PDS5A: variants seen among roughly 807,000 people sequenced by gnomAD.
PDS5A encodes the protein sister chromatid cohesion protein PDS5 homolog A.
Under a neutral mutation model 167.1 loss-of-function variants are expected in PDS5A, and 42 were observed. The ratio of observed to expected loss-of-function variants is 0.25; its 90% confidence interval spans 0.20 to 0.33. The LOEUF (loss-of-function observed/expected upper bound fraction) is 0.33, where lower values mean the gene tolerates loss of function less well. Ranked by LOEUF, PDS5A falls within the 10% of genes least tolerant of loss-of-function variation. PDS5A has a pLI of 1.00. For missense variants in PDS5A, 1,033 were observed against 1,605.9 expected, an observed-to-expected ratio of 0.64 and a Z score of 6.10; for synonymous variants, 553 against 554.6, an observed-to-expected ratio of 1.00 and a Z score of 0.04.
At chr4:39,867,224 C>A (rs933705500) in intron 22 of PDS5A, among the ~76,000 whole-genome samples, 2 of 151,380 alleles carry the variant, frequency 1.3e-5, no homozygotes, top group Admixed American at 6.6e-5. Context: ...TTTAATCTCC[C>A]AAAAAATTCT....
At position 39,863,442 on chromosome 4, in the gene PDS5A, C is replaced by T. The variant is rs755970646; in HGVS notation, c.2660G>A (p.Arg887His). 4.4e-6 allele frequency: 7 copies of T among 1,601,126 alleles called. No individual in the cohort carries two copies. The African/African-American group carries it at 5.4e-5, about 12-fold the overall frequency. ...GGCACTACCAGCAGCTAATCGCAAGCGAGACATATCAGATTTACTATAAAC... is the reference window on the plus strand; with the variant it reads ...GGCACTACCAGCAGCTAATCGCAAGTGAGACATATCAGATTTACTATAAAC... ...QKRISKSDMS[R>H]LRLAAGSAIM... Residue 887 changes from arginine (R) to histidine (H), a missense_variant, in exon 24 of 33, where the codon CGC (arginine) becomes CAC (histidine). Physicochemically the swap from Arg to His is conservative, Grantham distance 29. Around this residue, in one of 4 missense-constraint regions of PDS5A, gnomAD observed 367 missense variants for 686.7 expected, o/e 0.53. Transcript: ENST00000303538.
intron 9 of PDS5A, among the ~76,000 whole-genome samples, chr4:39,912,400 C>G (rs1723972302): frequency 6.6e-6 from 1 of 152,156 alleles, no homozygotes; most frequent in Non-Finnish European, 1.5e-5. Context: ...AATTCCTCCC[C>G]CATAACTTTG....
intron 8 of PDS5A, among the ~76,000 whole-genome samples, 183 bp from the exon 9 acceptor site, chr4:39,913,909 T>A (rs1724115452): frequency 6.6e-6 from 1 of 152,176 alleles, no homozygotes; most frequent in Non-Finnish European, 1.5e-5. Flanking sequence ...ATCATCTGGG[T>A]TTTTGCTCTT....
At chr4:39,835,600 G>A (rs567599552) in intron 32 of PDS5A, among the ~76,000 whole-genome samples, 2 of 152,206 alleles carry the variant, frequency 1.3e-5, no homozygotes, top group South Asian at 4.2e-4. Context: ...TCGGCTCACT[G>A]CAACCCCCGC....
At chr4:39,908,655 A>G (rs1485072573) in intron 10 of PDS5A, 115 bp from the exon 11 acceptor site, 6 of 648,962 alleles carry the variant, frequency 9.2e-6, no homozygotes, top group East Asian at 8.0e-5. Context: ...CAATGTTTGT[A>G]AAATATGGCA....
chr4:39,927,603 T>A (rs1290896952), intron 3 of PDS5A, among the ~76,000 whole-genome samples: 1 of 152,184 alleles, frequency 6.6e-6, no homozygotes, highest in South Asian at 2.1e-4. Context: ...GGGAAAATAG[T>A]CATATGAATA....
Position 39,949,830 on chromosome 4 carries a change from A to AAAAG in PDS5A, c.139-21667_139-21666insCTTT, listed in dbSNP as rs1553907242. ...ATAAGACTCTGTCTCAGAAAAAAAA[A>AAAAG]AAAAAGAAAAACACCACAAAAAACC... is the stretch of plus-strand genomic sequence containing the variant. On this transcript the variant is annotated intron_variant, in intron 2 of 32. Transcript: ENST00000303538. Among the ~76,000 whole-genome samples the AAAAG allele has an allele frequency of 4.3e-3, 655 of 150,776 alleles. 36 individuals are homozygous for AAAAG. The highest frequency in any genetic ancestry group is 0.015 in the African/African-American group (620 of 41,136).
At chr4:39,939,489 A>AAT (rs1553905361) in intron 2 of PDS5A, among the ~76,000 whole-genome samples, 4 of 150,192 alleles carry the variant, frequency 2.7e-5, no homozygotes, top group South Asian at 2.1e-4. Flanking sequence ...GAAAAAAAAA[A>AAT]TTTTTTTTAA....
intron 18 of PDS5A, among the ~76,000 whole-genome samples, 176 bp from the exon 19 acceptor site, chr4:39,877,329 T>C (rs1404442814): frequency 6.6e-6 from 1 of 152,254 alleles, no homozygotes; most frequent in Non-Finnish European, 1.5e-5. Context: ...TCAGAAATAC[T>C]GTATGGTGTG....
chr4:39,973,806 C>T (rs986297305), intron 2 of PDS5A: 133 of 1,167,664 alleles, frequency 1.1e-4, no homozygotes, highest in Non-Finnish European at 1.5e-4. Flanking sequence ...CAGGTTACTT[C>T]ATGGCAGCTA....
chr4:39,886,713 CA>C (rs1002403172), intron 17 of PDS5A, among the ~76,000 whole-genome samples: 82 of 142,456 alleles, frequency 5.8e-4, no homozygotes, highest in South Asian at 1.3e-3. Context: ...AACACCATCT[CA>C]AAAAAAAAAA....
intron 2 of PDS5A, among the ~76,000 whole-genome samples, chr4:39,972,916 TTTG>T (rs1730695241): frequency 6.7e-6 from 1 of 150,056 alleles, no homozygotes; most frequent in Non-Finnish European, 1.5e-5. Flanking sequence ...TGGGGTTTTT[TTTG>T]TTGTTTGTTT....
intron 21 of PDS5A, among the ~76,000 whole-genome samples, chr4:39,871,209 GTGA>G (rs567843683): frequency 8.7e-4 from 132 of 152,080 alleles, no homozygotes; most frequent in Admixed American, 1.4e-3. Context: ...GGATGGGGTG[GTGA>G]TGATTAGGTA....
intron 2 of PDS5A, among the ~76,000 whole-genome samples, chr4:39,948,163 G>C (rs1321317566): frequency 7.1e-6 from 1 of 140,734 alleles, no homozygotes; most frequent in African/African-American, 2.7e-5. Flanking sequence ...GAGGCAGCAG[G>C]ATTCCTTAAG....
chr4:39,838,936 C>T (rs774825557), intron 31 of PDS5A, among the ~76,000 whole-genome samples: 6 of 150,586 alleles, frequency 4.0e-5, no homozygotes, highest in Non-Finnish European at 8.9e-5. Flanking sequence ...GGAGAATAGC[C>T]GAAATTGCAC....
chr4:39,944,384 T>C (rs117081687), intron 2 of PDS5A, among the ~76,000 whole-genome samples: 13 of 151,734 alleles, frequency 8.6e-5, no homozygotes, highest in Non-Finnish European at 1.9e-4. Context: ...CCTAAAACAT[T>C]ATGAGTGGCC....
At chr4:39,925,196 C>CA (rs1203950226) in intron 5 of PDS5A, among the ~76,000 whole-genome samples, 4 of 151,972 alleles carry the variant, frequency 2.6e-5, no homozygotes, top group Non-Finnish European at 5.9e-5. Flanking sequence ...CAAAACAAAA[C>CA]AAAAAACCCA....
intron 16 of PDS5A, among the ~76,000 whole-genome samples, chr4:39,894,154 C>G (rs1049580921): frequency 1.3e-5 from 2 of 152,176 alleles, no homozygotes; most frequent in African/African-American, 4.8e-5. Flanking sequence ...TGCCTGTAAT[C>G]CCACTACTTT....
intron 17 of PDS5A, among the ~76,000 whole-genome samples, chr4:39,889,072 G>A (rs953450714): frequency 3.9e-5 from 6 of 152,162 alleles, no homozygotes; most frequent in Non-Finnish European, 8.8e-5. Context: ...CTAATCCCCA[G>A]TATCTCAGAA....
Sources: gnomAD v4.1 joint callset for allele counts (sites outside exome capture counted in the v4.1 genomes callset) on GRCh38, gnomAD v4.1.1 for gene constraint, gnomAD v4.1.1 regional missense constraint, MANE v1.5 for transcripts, NCBI Gene and HGNC (gene_info 2026-07-23, HGNC 2026-07-21) for gene names.